Variants in DNAH17 observed in about 807,000 individuals in gnomAD.
DNAH17 encodes the protein axonemal beta dynein heavy chain 17.
In DNAH17, 376 loss-of-function variants were observed where a neutral mutation model predicts 485.6. The ratio of observed to expected loss-of-function variants is 0.77; its 90% CI spans 0.71 to 0.84. The LOEUF (loss-of-function observed/expected upper bound fraction) is 0.84. DNAH17 is among the 40% of genes least tolerant of loss of function. The pLI is 0.00. For missense variants in DNAH17, 6,370 were observed against 5,839.3 expected (o/e 1.09, Z -2.96); for synonymous variants, 3,031 against 2,405.9 (o/e 1.26, Z -7.60).
At chr17:78,458,308 G>A (rs1334834254) in intron 62 of DNAH17, among the ~76,000 whole-genome samples, 2 of 152,236 alleles carry the variant, frequency 1.3e-5, no homozygotes, top group Non-Finnish European at 2.9e-5. Context: ...GTAATGCCCC[G>A]GATCAAGCCC....
In DNAH17 at chr17:78,491,426, G is replaced by A; in HGVS notation, c.6669+17C>T. 6.2e-7 allele frequency: 1 copy of A among 1,610,834 alleles called. No homozygotes were observed. On this transcript the variant is annotated intron_variant, in intron 43 of 80. Transcript: ENST00000389840. ...GCCTTGGGTGGCCTTGGGGCTTAGA[G>A]TCCAGGGCCCGCGAACCTTGTTGTC...
At chr17:78,449,907 C>T (rs2087472825) in intron 68 of DNAH17, 5 of 431,940 alleles carry the variant, frequency 1.2e-5, no homozygotes, top group Non-Finnish European at 1.7e-5. Flanking sequence ...AACTCCTGAC[C>T]TCAGGTGATC....
Position 78,505,411 on chromosome 17 carries a change from A to G in DNAH17, c.4838T>C (p.Leu1613Pro), listed in dbSNP as rs1598607357. The change falls in exon 31 of 81, where the codon CTG (leucine) becomes CCG (proline). Residue 1613 changes from leucine (L) to proline (P), a missense_variant. By Grantham distance (98) the Leu-to-Pro change is moderately conservative. Coordinates refer to ENST00000389840, the MANE Select transcript of DNAH17 (RefSeq NM_173628.4). ...ATCGAGCCGGAACTTCAGTTTACAC[A>G]GGCTATCGAAGAGTTTGGACAGGTG... ...SRHLSKLFDS[L>P]CKLKFRLDAS... 1.2e-6 allele frequency: 2 copies of G among 1,613,962 alleles called. No individual in the cohort carries two copies. Among genetic ancestry groups the G allele is most frequent in the South Asian group, 2.2e-5 (2 of 91,080 alleles).
At chr17:78,439,049 G>C (rs2086966054) in intron 73 of DNAH17, 41 bp downstream of exon 73, 1 of 1,601,774 alleles carries the variant, frequency 6.2e-7, no homozygotes, top group African/African-American at 1.3e-5. Flanking sequence ...GGCCACCTCA[G>C]TGCGGGGAGC....
intron 37 of DNAH17, among the ~76,000 whole-genome samples, chr17:78,498,154 CATAAATAA>C (rs148513000): frequency 0.12 from 18,188 of 146,566 alleles, 2,238 homozygotes; most frequent in African/African-American, 0.32. Context: ...AAAAACAAAA[CATAAATAA>C]ATAAATAAAT....
At chr17:78,554,371 A>G (rs929535012) in intron 14 of DNAH17, among the ~76,000 whole-genome samples, 1 of 132,620 alleles carries the variant, frequency 7.5e-6, no homozygotes, top group Non-Finnish European at 1.6e-5. Context: ...CAGGAGGTGA[A>G]GGTTGCAGTG....
intron 54 of DNAH17, chr17:78,472,846 C>T (rs2146583886): frequency 2.4e-6 from 1 of 416,286 alleles, no homozygotes; most frequent in Middle Eastern, 3.4e-4. Flanking sequence ...GGTCACCCTT[C>T]AGCAGTTTCT....
At chr17:78,557,343 C>A (rs2092046442) in intron 14 of DNAH17, among the ~76,000 whole-genome samples, 1 of 152,250 alleles carries the variant, frequency 6.6e-6, no homozygotes, top group South Asian at 2.1e-4. Flanking sequence ...ATTGGCCAGG[C>A]TTGGGGCCTT....
intron 24 of DNAH17, 35 bp from the exon 25 acceptor site, chr17:78,525,196 C>T (rs1481855293): frequency 1.2e-6 from 2 of 1,601,270 alleles, no homozygotes; most frequent in South Asian, 1.1e-5. Flanking sequence ...GTAGGGCTAC[C>T]TACCCTCAGC....
At chr17:78,429,011 G>T in intron 76 of DNAH17, 110 bp downstream of exon 76, 1 of 1,198,098 alleles carries the variant, frequency 8.3e-7, no homozygotes, top group Non-Finnish European at 1.2e-6. Flanking sequence ...TCTTATTTTG[G>T]CTGCCTGGGT....
In DNAH17 at chr17:78,424,095, G is replaced by T; in HGVS notation, c.13200C>A (p.Thr4400=). Residue 4400 remains threonine (T), a synonymous_variant, in exon 81 of 81, where the codon ACC becomes ACA. Transcript: ENST00000389840. ...VIAEARLKEL[T]PAMPVIFIKA... is the part of the protein sequence containing the mutation. ...TGATGAAGATGACAGGCATGGCCGG[G>T]GTCAGCTCTTTCAGCCGCGCTTCAG... The T allele has an allele frequency of 1.9e-6, 3 of 1,613,922 alleles. No homozygotes were observed. The highest frequency in any genetic ancestry group is 2.2e-5 in the South Asian group (2 of 91,088).
At chr17:78,461,851 G>A (rs529370458) in intron 57 of DNAH17, 143 bp from the exon 58 acceptor site, 3 of 730,210 alleles carry the variant, frequency 4.1e-6, no homozygotes, top group African/African-American at 3.6e-5. Flanking sequence ...TCGTTTTGGA[G>A]AGTCTTTTCA....
At chr17:78,442,862 G>A (rs978108899) in intron 71 of DNAH17, among the ~76,000 whole-genome samples, 1 of 152,212 alleles carries the variant, frequency 6.6e-6, no homozygotes, top group Non-Finnish European at 1.5e-5. Flanking sequence ...AAGTGCTCCC[G>A]CGGCTGTCAG....
At chr17:78,494,485 G>A (rs1044655295) in intron 40 of DNAH17, 108 bp downstream of exon 40, 12 of 1,276,918 alleles carry the variant, frequency 9.4e-6, no homozygotes, top group African/African-American at 4.5e-5. Flanking sequence ...TTGTAGCATC[G>A]GGAAACGTGC....
In DNAH17 at chr17:78,539,815, A is replaced by T. The variant is rs1218026688; in HGVS notation, c.2598T>A (p.Ile866=). 1.1e-5 allele frequency: 17 copies of T among 1,611,830 alleles called. No homozygotes were observed. Among genetic ancestry groups the T allele is most frequent in the Non-Finnish European group, 1.3e-5 (15 of 1,179,504 alleles). ...SLPWKDYVIY[I]DDMVLDEFDQ... is the part of the protein sequence containing the mutation. Reference sequence around the variant, plus strand: ...CAAATTCATCTAAGACCATGTCGTCAATGTAGATGACATAATCCTTCCAGG... The same window carrying T: ...CAAATTCATCTAAGACCATGTCGTCTATGTAGATGACATAATCCTTCCAGG... The change falls in exon 18 of 81, where the codon ATT becomes ATA. Residue 866 remains isoleucine, a synonymous_variant. Coordinates refer to ENST00000389840, the MANE Select transcript of DNAH17 (RefSeq NM_173628.4).
chr17:78,449,349 C>T, intron 69 of DNAH17, 65 bp downstream of exon 69: 1 of 1,487,362 alleles, frequency 6.7e-7, no homozygotes, highest in Non-Finnish European at 9.1e-7. Context: ...TTCCACAAAG[C>T]TCCCAGGGGT....
chr17:78,471,743 G>A (rs1400224841), intron 54 of DNAH17, among the ~76,000 whole-genome samples: 1 of 152,010 alleles, frequency 6.6e-6, no homozygotes, highest in African/African-American at 2.4e-5. Context: ...CCCTTACCCT[G>A]CCCACTGTGA....
intron 18 of DNAH17, among the ~76,000 whole-genome samples, chr17:78,538,125 A>C (rs1022618235): frequency 1.4e-5 from 2 of 138,904 alleles, no homozygotes; most frequent in African/African-American, 5.6e-5. Flanking sequence ...GGGCAAGAGC[A>C]AAACTCTGTC....
At chr17:78,542,802 G>A (rs1169680852) in intron 17 of DNAH17, among the ~76,000 whole-genome samples, 1 of 152,178 alleles carries the variant, frequency 6.6e-6, no homozygotes, top group Non-Finnish European at 1.5e-5. Flanking sequence ...TGCAGGTAGT[G>A]ATACACCCTG....
Sources: allele counts gnomAD v4.1 joint callset (sites outside exome capture counted in the v4.1 genomes callset), GRCh38; gene constraint gnomAD v4.1.1; transcripts MANE v1.5; gene names NCBI Gene and HGNC (gene_info 2026-07-23, HGNC 2026-07-21).